Variants in GCGR observed in about 807,000 individuals in gnomAD.
GCGR encodes the protein glucagon receptor.
A neutral mutation model predicts 56.1 loss-of-function variants in GCGR; 41 were observed. The observed-to-expected ratio is 0.73, with a 90% CI of 0.57 to 0.95. The LOEUF (loss-of-function observed/expected upper bound fraction) is 0.95. Ranked by LOEUF, GCGR falls within the 40% of genes least tolerant of loss-of-function variation. GCGR has a pLI of 0.00. For synonymous variants in GCGR, 278 were observed against 271.1 expected, an observed-to-expected ratio of 1.03 and a Z score of -0.25; for missense variants, 595 against 638.2, an observed-to-expected ratio of 0.93 and a Z score of 0.73.
Position 81,811,760 on chromosome 17 carries a change from C to G in GCGR, c.767C>G (p.Ala256Gly). Residue 256 changes from alanine to glycine, a missense_variant, in exon 8 of 14, where the codon GCC (alanine) becomes GGC (glycine). Ala to Gly is a moderately conservative substitution (Grantham distance 60). Transcript: ENST00000400723. This position sits in a 1 kb window ranked among gnomAD's most constrained non-coding sequence, Gnocchi z 5.8. ...GLYLHNLLGLATLPERSFFSL... is the reference protein window; with the variant it reads ...GLYLHNLLGLGTLPERSFFSL... Reference sequence around the variant, plus strand: ...TACCTGCACAACCTGCTGGGCCTGGCCACCCTCCCCGAGAGGAGCTTCTTC... The same window carrying G: ...TACCTGCACAACCTGCTGGGCCTGGGCACCCTCCCCGAGAGGAGCTTCTTC... The G allele has an allele frequency of 6.5e-7, 1 of 1,539,104 alleles. No homozygotes were observed. The highest frequency in any genetic ancestry group is 2.4e-5 in the East Asian group (1 of 41,054).
chr17:81,813,178 C>G lies in GCGR; in HGVS notation c.1218+121C>G. 1 of 1,416,480 alleles carries G rather than the reference C, an allele frequency of 7.1e-7. No individual in the cohort carries two copies. The highest frequency in any genetic ancestry group is 9.6e-7 in the Non-Finnish European group (1 of 1,040,298). The allele number at this position is 1,416,480 out of a possible 1,614,324, so 87.7% of individuals were successfully genotyped here. ...GGGTTGGAACACGTGGGGCCCAAGC[C>G]TTTCCCTCCCCCTGCTCTTATTGGG... On this transcript the variant is annotated intron_variant, in intron 13 of 13. Coordinates refer to ENST00000400723, the MANE Select transcript of GCGR (RefSeq NM_000160.5). This position sits in a 1 kb window ranked among gnomAD's most constrained non-coding sequence, Gnocchi z 5.3.
In GCGR at chr17:81,812,935, G is replaced by C; in HGVS notation, c.1166G>C (p.Ser389Thr). ...AAGCTCTTCTTCGACCTCTTCCTCAGCTCCTTCCAGGTGCCCGCCCGCCCG... is the reference window on the plus strand; with the variant it reads ...AAGCTCTTCTTCGACCTCTTCCTCACCTCCTTCCAGGTGCCCGCCCGCCCG... ...SAKLFFDLFL[S>T]SFQGLLVAVL... The change falls in exon 12 of 14, where the codon AGC becomes ACC. Residue 389 changes from serine to threonine, a missense_variant. Coordinates refer to ENST00000400723, the MANE Select transcript of GCGR (RefSeq NM_000160.5). This position sits in a 1 kb window ranked among gnomAD's most constrained non-coding sequence, Gnocchi z 8.5. The C allele has an allele frequency of 6.5e-7, 1 of 1,535,890 alleles. No homozygotes were observed. The highest frequency in any genetic ancestry group is 8.7e-7 in the Non-Finnish European group (1 of 1,146,598).
intron 1 of GCGR, among the ~76,000 whole-genome samples, chr17:81,807,842 C>G (rs541877397): frequency 3.3e-5 from 5 of 152,210 alleles, no homozygotes; most frequent in African/African-American, 1.2e-4. Flanking sequence ...CTGTTGCCAC[C>G]CCGAACTCCC....
In GCGR at chr17:81,809,733, G is replaced by C. The variant is rs1327315865; in HGVS notation, c.61-49G>C. The C allele has an allele frequency of 3.5e-6, 5 of 1,421,034 alleles. No individual in the cohort carries two copies. The African/African-American group carries it at 5.8e-5, about 16-fold the overall frequency. The allele number at this position is 1,421,034 out of a possible 1,614,324, so 88.0% of individuals were successfully genotyped here. On this transcript the variant is annotated intron_variant, in intron 2 of 13. Coordinates refer to ENST00000400723, the MANE Select transcript of GCGR (RefSeq NM_000160.5). ...TGCCTGTCTGTCTGCCTGTCTGTCT[G>C]CCTGCCTGTCTGTCTGTCTGTCTGG...
Position 81,809,010 on chromosome 17 carries a change from C to T in GCGR, c.-9C>T, listed in dbSNP as rs1324361763. On this transcript the variant is annotated 5_prime_UTR_variant, in exon 2 of 14. Transcript: ENST00000400723. Reference sequence around the variant, plus strand: ...GCCAGATGTGGGAGGCAGCTAGCTGCCCAGAGGCATGCCCCCCTGCCAGCC... The same window carrying T: ...GCCAGATGTGGGAGGCAGCTAGCTGTCCAGAGGCATGCCCCCCTGCCAGCC... 6.5e-7 allele frequency: 1 copy of T among 1,536,004 alleles called. No individual in the cohort carries two copies. The highest frequency in any genetic ancestry group is 8.7e-7 in the Non-Finnish European group (1 of 1,146,866).
At position 81,810,888 on chromosome 17, in the gene GCGR, C is replaced by A; in HGVS notation, c.227C>A (p.Thr76Lys). The A allele has an allele frequency of 1.3e-6, 2 of 1,536,356 alleles. No individual in the cohort carries two copies. The highest frequency in any genetic ancestry group is 1.7e-6 in the Non-Finnish European group (2 of 1,146,660). Residue 76 changes from threonine (T) to lysine (K), a missense_variant, in exon 4 of 14, where the codon ACG (threonine) becomes AAG (lysine). Physicochemically the swap from Thr to Lys is moderately conservative, Grantham distance 78 (BLOSUM62 -1). Transcript: ENST00000400723. The surrounding 1 kb of genome is among the most constrained non-coding windows in gnomAD (Gnocchi z 4.6). ...TGGCCGGACACCCCCGCCAATACCA[C>A]GGCCAACATCTCCTGCCCCTGGTAC... is the stretch of plus-strand genomic sequence containing the variant. ...SCWPDTPANTTANISCPWYLP... is the reference protein window; with the variant it reads ...SCWPDTPANTKANISCPWYLP...
rs1466948519 is a variant in GCGR at position 81,806,868 on chromosome 17, C to T, written c.-177-1974C>T. 6.6e-6 allele frequency among the ~76,000 whole-genome samples: 1 copy of T among 151,872 alleles called. No individual in the cohort carries two copies. The highest frequency in any genetic ancestry group is 2.4e-5 in the African/African-American group (1 of 41,352). On this transcript the variant is annotated intron_variant, in intron 1 of 13. Transcript: ENST00000400723. This position sits in a 1 kb window ranked among gnomAD's most constrained non-coding sequence, Gnocchi z 6.5. ...CTTCCTCCTTGTCCCCCGCCTGCAT[C>T]TCCACCATCCACCCTGCTCCAGCTG... is the stretch of plus-strand genomic sequence containing the variant.
At chr17:81,808,511 G>A (rs927101183) in intron 1 of GCGR, among the ~76,000 whole-genome samples, 2 of 147,132 alleles carry the variant, frequency 1.4e-5, no homozygotes, top group African/African-American at 5.0e-5. Context: ...CCCTCCTATC[G>A]CCCTCTTTTT....
chr17:81,809,424 TGTCC>T (rs1332826059), intron 2 of GCGR, among the ~76,000 whole-genome samples: 2 of 143,420 alleles, frequency 1.4e-5, no homozygotes, highest in Non-Finnish European at 1.5e-5. Context: ...TCTGCCTGCC[TGTCC>T]GTCTGCCTGT....
rs896204999 is a variant in GCGR at position 81,806,782 on chromosome 17, G to A, written c.-177-2060G>A. Among the ~76,000 whole-genome samples, 3 of 20,812 alleles carry A rather than the reference G, an allele frequency of 1.4e-4. No individual in the cohort carries two copies. The highest frequency in any genetic ancestry group is 3.1e-4 in the Non-Finnish European group (3 of 9,590). 13.7% of individuals were successfully genotyped at this position (20,812 alleles called of 152,430 possible). ...GTGGTCCTCCCCCCAGGGTGAGCAC[G>A]CGTCCCCCCCCACCCCCACTTCGAG... On this transcript the variant is annotated intron_variant, in intron 1 of 13. Coordinates refer to ENST00000400723, the MANE Select transcript of GCGR (RefSeq NM_000160.5). The surrounding 1 kb of genome is among the most constrained non-coding windows in gnomAD (Gnocchi z 6.5).
chr17:81,808,235 C>T (rs1005881571), intron 1 of GCGR, among the ~76,000 whole-genome samples: 3 of 152,260 alleles, frequency 2.0e-5, no homozygotes, highest in Non-Finnish European at 4.4e-5. Flanking sequence ...GCCACCCTCA[C>T]GCTTGGCACA....
chr17:81,811,725 G>C lies in GCGR; in HGVS notation c.732G>C (p.Val244=), dbSNP rs1305699907. The C allele has an allele frequency of 5.2e-6, 8 of 1,544,306 alleles. No individual in the cohort carries two copies. The highest frequency in any genetic ancestry group is 6.9e-6 in the Non-Finnish European group (8 of 1,151,598). Residue 244 remains valine (V), a synonymous_variant, in exon 8 of 14, where the codon GTG becomes GTC. Transcript: ENST00000400723. This position sits in a 1 kb window ranked among gnomAD's most constrained non-coding sequence, Gnocchi z 5.8. ...GIVANYCWLL[V]EGLYLHNLLG... is the part of the protein sequence containing the mutation. Reference sequence around the variant, plus strand: ...TGGCCAACTACTGCTGGCTGCTGGTGGAGGGCCTGTACCTGCACAACCTGC... The same window carrying C: ...TGGCCAACTACTGCTGGCTGCTGGTCGAGGGCCTGTACCTGCACAACCTGC...
chr17:81,813,165 G>C lies in GCGR; in HGVS notation c.1218+108G>C, dbSNP rs533773103. The C allele has an allele frequency of 6.8e-7, 1 of 1,474,836 alleles. No individual in the cohort carries two copies. The highest frequency in any genetic ancestry group is 9.1e-7 in the Non-Finnish European group (1 of 1,093,372). The allele number at this position is 1,474,836 out of a possible 1,614,324, so 91.4% of individuals were successfully genotyped here. On this transcript the variant is annotated intron_variant, in intron 13 of 13. Transcript: ENST00000400723. The surrounding 1 kb of genome is among the most constrained non-coding windows in gnomAD (Gnocchi z 5.3). ...CACCCCTGCCCGGGGGTTGGAACAC[G>C]TGGGGCCCAAGCCTTTCCCTCCCCC...
Position 81,811,026 on chromosome 17 carries a change from G to T in GCGR, c.288G>T (p.Val96=), listed in dbSNP as rs766838922. 13 of 1,536,084 alleles carry T rather than the reference G, an allele frequency of 8.5e-6. No individual in the cohort carries two copies. The South Asian group carries it at 1.4e-4, about 17-fold the overall frequency. The change falls in exon 5 of 14, where the codon GTG becomes GTT. Residue 96 remains valine, a synonymous_variant. Coordinates refer to ENST00000400723, the MANE Select transcript of GCGR (RefSeq NM_000160.5). The surrounding 1 kb of genome is among the most constrained non-coding windows in gnomAD (Gnocchi z 5.8). The part of the protein sequence containing the change: ...PWHHKVQHRF[V]FKRCGPDGQW... ...CACCCCCAGTGCAACACCGCTTCGT[G>T]TTCAAGAGATGCGGGCCCGACGGTC...
intron 2 of GCGR, 148 bp downstream of exon 2, chr17:81,809,226 G>C (rs1016596183): frequency 2.1e-6 from 2 of 973,326 alleles, no homozygotes; most frequent in African/African-American, 3.2e-5. Context: ...CTGTCTGTCT[G>C]CCTGTCCGTC....
rs527384485 is a variant in GCGR, at chr17:81,808,994, G to A, written c.-25G>A. 1 of 1,535,602 alleles carries A rather than the reference G, an allele frequency of 6.5e-7. No homozygotes were observed. Among genetic ancestry groups the A allele is most frequent in the East Asian group, 2.4e-5 (1 of 40,922 alleles). On this transcript the variant is annotated 5_prime_UTR_variant, in exon 2 of 14. It introduces an in-frame stop codon into an upstream open reading frame of the 5' UTR. Coordinates refer to ENST00000400723, the MANE Select transcript of GCGR (RefSeq NM_000160.5). The stretch of plus-strand genomic sequence containing the variant: ...CAGCTGTGCAGCCCCTGCCAGATGT[G>A]GGAGGCAGCTAGCTGCCCAGAGGCA...
In GCGR at chr17:81,811,620, C is replaced by A. The variant is rs577644525; in HGVS notation, c.658-31C>A. ...GGGTGGGCAGCCAGGCAGGTGGCCACGTAGCCGCGCTCACACTGCACCTGT... is the reference window on the plus strand; with the variant it reads ...GGGTGGGCAGCCAGGCAGGTGGCCAAGTAGCCGCGCTCACACTGCACCTGT... On this transcript the variant is annotated intron_variant, in intron 7 of 13. Transcript: ENST00000400723. This position sits in a 1 kb window ranked among gnomAD's most constrained non-coding sequence, Gnocchi z 5.8. 6.5e-7 allele frequency: 1 copy of A among 1,535,780 alleles called. No individual in the cohort carries two copies. The highest frequency in any genetic ancestry group is 8.7e-7 in the Non-Finnish European group (1 of 1,146,796).
In GCGR at chr17:81,806,007, C is replaced by T. The variant is rs1007528284; in HGVS notation, c.-178+1758C>T. 1.1e-4 allele frequency among the ~76,000 whole-genome samples: 16 copies of T among 152,174 alleles called. No individual in the cohort carries two copies. The highest frequency in any genetic ancestry group is 2.2e-4 in the Non-Finnish European group (15 of 68,014). On this transcript the variant is annotated intron_variant, in intron 1 of 13. Coordinates refer to ENST00000400723, the MANE Select transcript of GCGR (RefSeq NM_000160.5). The surrounding 1 kb of genome is among the most constrained non-coding windows in gnomAD (Gnocchi z 6.5). ...TGAGATCAACAGAGGAGCCTCCCTT[C>T]TTCCCTTCAGGCTGGTGTCACCTTC...
In GCGR at chr17:81,812,782, G is replaced by T. The variant is rs1324159501; in HGVS notation, c.1038-25G>T. The T allele has an allele frequency of 1.3e-6, 2 of 1,535,272 alleles. No homozygotes were observed. The highest frequency in any genetic ancestry group is 8.7e-7 in the Non-Finnish European group (1 of 1,146,568). ...GTGCGGGCCGAGGGTGGGGGCGGTG[G>T]GTGACTCAGGCGCTGCCTCTGCAGG... is the stretch of plus-strand genomic sequence containing the variant. On this transcript the variant is annotated intron_variant, in intron 11 of 13. Transcript: ENST00000400723. The surrounding 1 kb of genome is among the most constrained non-coding windows in gnomAD (Gnocchi z 8.5).
Sources: allele counts gnomAD v4.1 joint callset (sites outside exome capture counted in the v4.1 genomes callset), GRCh38; gene constraint gnomAD v4.1.1; non-coding constraint Gnocchi (gnomAD v3.1); transcripts MANE v1.5; gene names NCBI Gene and HGNC (gene_info 2026-07-23, HGNC 2026-07-21).